Variants in MICU1 observed in about 807,000 individuals in gnomAD.
The protein encoded by MICU1 is calcium uptake protein 1, mitochondrial.
Under a neutral mutation model 56.8 loss-of-function variants are expected in MICU1, and 45 were observed. The observed-to-expected ratio is 0.79, with a 90% confidence interval of 0.62 to 1.02. The LOEUF (loss-of-function observed/expected upper bound fraction) is 1.02, where lower values mean the gene tolerates loss of function less well. Ranked by LOEUF, MICU1 falls within the 50% of genes least tolerant of loss-of-function variation. MICU1 has a pLI of 0.00. For synonymous variants in MICU1, 186 were observed against 195.1 expected (o/e 0.95, Z 0.39); for missense variants, 504 against 587.1 (o/e 0.86, Z 1.46).
At chr10:72,562,180 G>A in intron 3 of MICU1, among the ~76,000 whole-genome samples, 1 of 83,278 alleles carries the variant, frequency 1.2e-5, no homozygotes, top group East Asian at 2.5e-4. Flanking sequence ...TTGAGACTCA[G>A]TCTTGCTTTG....
chr10:72,400,108 C>T lies in MICU1; in HGVS notation c.1180+7821G>A, dbSNP rs1489701910. On this transcript the variant is annotated intron_variant, in intron 10 of 11. Coordinates refer to ENST00000361114, the MANE Select transcript of MICU1 (RefSeq NM_001195518.2). ...AAACCCCAAACATACATCTCAAAGCCACATGTATTTTTGGATGTCAGATAT... is the reference window on the plus strand; with the variant it reads ...AAACCCCAAACATACATCTCAAAGCTACATGTATTTTTGGATGTCAGATAT... Among the ~76,000 whole-genome samples the T allele has an allele frequency of 8.5e-5, 13 of 152,080 alleles. No individual in the cohort carries two copies. The East Asian group carries it at 2.3e-3, about 27-fold the overall frequency.
At chr10:72,439,963 GC>G (rs1864864669) in intron 8 of MICU1, among the ~76,000 whole-genome samples, 1 of 152,118 alleles carries the variant, frequency 6.6e-6, no homozygotes, top group Admixed American at 6.6e-5. Flanking sequence ...CCTGAAAGTG[GC>G]CATACTGCCC....
chr10:72,392,476 C>T (rs1242111205), intron 10 of MICU1, among the ~76,000 whole-genome samples: 3 of 152,088 alleles, frequency 2.0e-5, no homozygotes, highest in African/African-American at 7.2e-5. Context: ...GAGGCTGAGG[C>T]AGGAGAATTT....
chr10:72,509,892 G>GA (rs996723193), intron 5 of MICU1, among the ~76,000 whole-genome samples: 1 of 151,840 alleles, frequency 6.6e-6, no homozygotes, highest in African/African-American at 2.4e-5. Flanking sequence ...CAAAATAAAA[G>GA]AAAAAAATTT....
chr10:72,528,737 TA>T, intron 5 of MICU1: 1 of 229,104 alleles, frequency 4.4e-6, no homozygotes. Context: ...TGTCAAGGAG[TA>T]AAACTACACT....
At chr10:72,441,562 AAAAAG>A (rs1864930244) in intron 8 of MICU1, among the ~76,000 whole-genome samples, 1 of 150,236 alleles carries the variant, frequency 6.7e-6, no homozygotes, top group African/African-American at 2.4e-5. Context: ...AAAAAAAAAA[AAAAAG>A]AAATAAAAAA....
chr10:72,478,241 G>A (rs1354818113), intron 6 of MICU1, among the ~76,000 whole-genome samples: 1 of 152,282 alleles, frequency 6.6e-6, no homozygotes, highest in Non-Finnish European at 1.5e-5. Flanking sequence ...AAATTAAGCT[G>A]AAGTTTAAAT....
intron 5 of MICU1, among the ~76,000 whole-genome samples, chr10:72,513,036 C>T (rs1358495676): frequency 6.6e-6 from 1 of 152,050 alleles, no homozygotes; most frequent in Non-Finnish European, 1.5e-5. Flanking sequence ...GAGGAGGTTG[C>T]TCTGTCGCAC....
In MICU1 at chr10:72,407,836, A is replaced by T. The variant is rs1863677570; in HGVS notation, c.1180+93T>A. 8.0e-6 allele frequency: 6 copies of T among 753,930 alleles called. No individual in the cohort carries two copies. In the Admixed American group the frequency reaches 1.5e-4, roughly 19 times the overall value. 46.7% of individuals were successfully genotyped at this position (753,930 alleles called of 1,614,324 possible). On this transcript the variant is annotated intron_variant, in intron 10 of 11. Transcript: ENST00000361114. ...CACCATTTCAAGGATGCCAAGAAAA[A>T]CTTATCTTTTACTGTTCAGGAGGGG...
chr10:72,522,899 A>T (rs1867864565), intron 5 of MICU1, among the ~76,000 whole-genome samples: 1 of 152,134 alleles, frequency 6.6e-6, no homozygotes, highest in Non-Finnish European at 1.5e-5. Context: ...CCTAAGAAAA[A>T]GGTTTATTAT....
rs557806442 is a variant in MICU1, at chr10:72,547,115, G to A, written c.493+4064C>T. Among the ~76,000 whole-genome samples the A allele has an allele frequency of 7.9e-5, 12 of 151,948 alleles. No individual in the cohort carries two copies. The South Asian group carries it at 2.1e-3, about 26-fold the overall frequency. On this transcript the variant is annotated intron_variant, in intron 4 of 11. Coordinates refer to ENST00000361114, the MANE Select transcript of MICU1 (RefSeq NM_001195518.2). ...TCACCATGTTAGCCAGGATGGTCTC[G>A]ATCTCCTGACCTCGTGATCTGTCCA...
chr10:72,384,168 A>G (rs1862813393), intron 10 of MICU1, among the ~76,000 whole-genome samples: 1 of 151,568 alleles, frequency 6.6e-6, no homozygotes, highest in African/African-American at 2.4e-5. Context: ...TAATTTTTGT[A>G]TTTTTTTGTA....
At chr10:72,564,840 T>C (rs1426036425) in intron 2 of MICU1, among the ~76,000 whole-genome samples, 1 of 152,068 alleles carries the variant, frequency 6.6e-6, no homozygotes, top group East Asian at 1.9e-4. Context: ...CACAAAGTAG[T>C]TGCCAAGGAG....
At chr10:72,449,289 TCAGGAGGCTGA>T (rs1052450148) in intron 8 of MICU1, among the ~76,000 whole-genome samples, 2 of 152,080 alleles carry the variant, frequency 1.3e-5, no homozygotes, top group African/African-American at 4.8e-5. Context: ...TCCCAGCCAC[TCAGGAGGCTGA>T]GGTACAATAA....
At chr10:72,565,475 G>T (rs189205426) in intron 2 of MICU1, among the ~76,000 whole-genome samples, 2 of 121,100 alleles carry the variant, frequency 1.7e-5, no homozygotes, top group Admixed American at 2.0e-4. Flanking sequence ...AACATCACAC[G>T]CCGGGGCCTG....
intron 5 of MICU1, among the ~76,000 whole-genome samples, chr10:72,515,491 C>T (rs1280187407): frequency 1.3e-5 from 2 of 152,130 alleles, no homozygotes; most frequent in East Asian, 3.9e-4. Flanking sequence ...TGATTAGATT[C>T]ATATCTAGCT....
chr10:72,442,557 C>T (rs2132186766), intron 8 of MICU1, among the ~76,000 whole-genome samples: 1 of 152,296 alleles, frequency 6.6e-6, no homozygotes, highest in South Asian at 2.1e-4. Flanking sequence ...AGACTTGGCT[C>T]TAAAAGACGA....
At chr10:72,513,793 T>C (rs1867561419) in intron 5 of MICU1, among the ~76,000 whole-genome samples, 3 of 152,150 alleles carry the variant, frequency 2.0e-5, no homozygotes, top group African/African-American at 7.2e-5. Flanking sequence ...ATACCATTTG[T>C]TGAAATGGTA....
intron 1 of MICU1, among the ~76,000 whole-genome samples, chr10:72,590,895 T>C (rs1589372085): frequency 7.3e-6 from 1 of 137,314 alleles, no homozygotes; most frequent in African/African-American, 2.7e-5. Context: ...ACCAACCAGA[T>C]ACAATGGACA....
Sources: gnomAD v4.1 joint callset for allele counts (sites outside exome capture counted in the v4.1 genomes callset) on GRCh38, gnomAD v4.1.1 for gene constraint, MANE v1.5 for transcripts, NCBI Gene and HGNC (gene_info 2026-07-23, HGNC 2026-07-21) for gene names.